ZNFX1: variants seen among roughly 807,000 people sequenced by gnomAD.
ZNFX1 encodes the protein NFX1-type zinc finger-containing protein 1.
A neutral mutation model predicts 179.8 loss-of-function variants in ZNFX1; 78 were observed. The ratio of observed to expected loss-of-function variants is 0.43; its 90% CI spans 0.36 to 0.52. The LOEUF is 0.52. ZNFX1 is among the 20% of genes least tolerant of loss of function. ZNFX1 has a pLI of 0.00. For synonymous variants in ZNFX1, 848 were observed against 868.5 expected (o/e 0.98, Z 0.42); for missense variants, 1,927 against 2,386.6 (o/e 0.81, Z 4.01).
At position 49,248,461 on chromosome 20, in the gene ZNFX1, G is replaced by A; in HGVS notation, c.4563C>T (p.Tyr1521=). ...GCTCAGAGCAGAGTTTGGTGCACTGGTAGTGCTGGCAGCGCCAGACACAGG... is the reference window on the plus strand; with the variant it reads ...GCTCAGAGCAGAGTTTGGTGCACTGATAGTGCTGGCAGCGCCAGACACAGG... ...VEPCVWRCQH[Y]QCTKLCSEPC... is the part of the protein sequence containing the mutation. Residue 1521 remains tyrosine, a synonymous_variant, in exon 14 of 14, where the codon TAC becomes TAT. Coordinates refer to ENST00000396105, the MANE Select transcript of ZNFX1 (RefSeq NM_021035.3). This position sits in a 1 kb window ranked among gnomAD's most constrained non-coding sequence, Gnocchi z 4.6. 1 of 1,611,192 alleles carries A rather than the reference G, an allele frequency of 6.2e-7. No individual in the cohort carries two copies. The highest frequency in any genetic ancestry group is 2.2e-5 in the East Asian group (1 of 44,808).
Position 49,248,308 on chromosome 20 carries a change from T to C in ZNFX1, c.4716A>G (p.Gln1572=). The part of the protein sequence containing the change: ...CRICHMDEVT[Q]IFFGFEDEPD... ...GCTCATCCTCAAAGCCAAAGAATATTTGGGTGACCTCATCCATGTGGCAGA... is the reference window on the plus strand; with the variant it reads ...GCTCATCCTCAAAGCCAAAGAATATCTGGGTGACCTCATCCATGTGGCAGA... Residue 1572 remains glutamine (Q), a synonymous_variant, in exon 14 of 14, where the codon CAA becomes CAG. Coordinates refer to ENST00000396105, the MANE Select transcript of ZNFX1 (RefSeq NM_021035.3). This position sits in a 1 kb window ranked among gnomAD's most constrained non-coding sequence, Gnocchi z 4.6. 2.5e-6 allele frequency: 4 copies of C among 1,614,050 alleles called. No individual in the cohort carries two copies. Among genetic ancestry groups the C allele is most frequent in the South Asian group, 2.2e-5 (2 of 91,070 alleles).
chr20:49,254,857 A>T (rs1354626444), intron 9 of ZNFX1, among the ~76,000 whole-genome samples: 2 of 152,180 alleles, frequency 1.3e-5, no homozygotes, highest in Non-Finnish European at 2.9e-5. Context: ...GGGGTGAGAT[A>T]AAGAACAAAG....
Position 49,264,794 on chromosome 20 carries a change from C to A in ZNFX1, c.2073G>T (p.Gln691His). 1 of 1,614,214 alleles carries A rather than the reference C, an allele frequency of 6.2e-7. No individual in the cohort carries two copies. Among genetic ancestry groups the A allele is most frequent in the Non-Finnish European group, 8.5e-7 (1 of 1,180,042 alleles). The stretch of plus-strand genomic sequence containing the variant: ...TGTTCCTCAGCTCCCTTAGGGTGAA[C>A]TGCTTCAGGATTTCACTGTTGCTCC... ...GGRSNSEILK[Q>H]FTLRELRNKR... The change falls in exon 5 of 14, where the codon CAG becomes CAT. Residue 691 changes from glutamine (Q) to histidine (H), a missense_variant. Coordinates refer to ENST00000396105, the MANE Select transcript of ZNFX1 (RefSeq NM_021035.3).
At chr20:49,276,074 T>C (rs1202299211) in intron 1 of ZNFX1, among the ~76,000 whole-genome samples, 187 bp from the exon 2 acceptor site, 1 of 152,252 alleles carries the variant, frequency 6.6e-6, no homozygotes, top group Non-Finnish European at 1.5e-5. Flanking sequence ...TATAAAATAT[T>C]AAATTCACAA....
intron 2 of ZNFX1, among the ~76,000 whole-genome samples, chr20:49,274,027 T>C (rs1981490836): frequency 6.6e-6 from 1 of 152,232 alleles, no homozygotes; most frequent in Admixed American, 6.5e-5. Context: ...ATTTCAAACT[T>C]ATGGAAAAGC....
At chr20:49,257,288 C>T in intron 8 of ZNFX1, 129 bp downstream of exon 8, 1 of 1,313,392 alleles carries the variant, frequency 7.6e-7, no homozygotes. Context: ...CATCTCATAC[C>T]AGGGGTAGGC....
chr20:49,271,650 A>G lies in ZNFX1; in HGVS notation c.162T>C (p.Pro54=). 1.9e-6 allele frequency: 3 copies of G among 1,613,748 alleles called. No individual in the cohort carries two copies. Among genetic ancestry groups the G allele is most frequent in the Non-Finnish European group, 2.5e-6 (3 of 1,179,940 alleles). The part of the protein sequence containing the change: ...RGGASHPGRH[P]RANNHPAAYW... ...AAGCAGCAGGATGGTTGTTGGCCCTAGGATGCCTTCCAGGGTGGCTGGCTC... is the reference window on the plus strand; with the variant it reads ...AAGCAGCAGGATGGTTGTTGGCCCTGGGATGCCTTCCAGGGTGGCTGGCTC... Residue 54 remains proline (P), a synonymous_variant, in exon 3 of 14, where the codon CCT becomes CCC. Transcript: ENST00000396105.
Position 49,259,341 on chromosome 20 carries a change from T to C in ZNFX1, c.2416+1122A>G, listed in dbSNP as rs540945222. On this transcript the variant is annotated intron_variant, in intron 7 of 13. Transcript: ENST00000396105. ...AGCCTTCCTAACCCGAATTTTATAT[T>C]ACTCATTTCCTTTTTAAAAGATAAT... Among the ~76,000 whole-genome samples, 7 of 152,298 alleles carry C rather than the reference T, an allele frequency of 4.6e-5. 1 individual carries two copies. In the South Asian group the frequency reaches 1.2e-3, roughly 27 times the overall value.
chr20:49,248,006 A>C lies in ZNFX1; in HGVS notation c.5018T>G (p.Leu1673Arg), dbSNP rs771431555. 3 of 1,613,902 alleles carry C rather than the reference A, an allele frequency of 1.9e-6. No individual in the cohort carries two copies. The highest frequency in any genetic ancestry group is 1.3e-5 in the African/African-American group (1 of 74,878). Residue 1673 changes from leucine (L) to arginine (R), a missense_variant, in exon 14 of 14, where the codon CTC (leucine) becomes CGC (arginine). Physicochemically the swap from Leu to Arg is moderately radical, Grantham distance 102. Coordinates refer to ENST00000396105, the MANE Select transcript of ZNFX1 (RefSeq NM_021035.3). The surrounding 1 kb of genome is among the most constrained non-coding windows in gnomAD (Gnocchi z 4.6). ...RLKALLERKS[L>R]LHQLLPEDFL... ...GTCTTCAGGAAGCAGCTGGTGGAGG[A>C]GGCTCTTCCTCTCCAGCAGGGCCTT...
At chr20:49,258,718 ATCAC>A (rs1394430835) in intron 7 of ZNFX1, among the ~76,000 whole-genome samples, 3 of 152,140 alleles carry the variant, frequency 2.0e-5, no homozygotes, top group Non-Finnish European at 4.4e-5. Context: ...AGGCAGGAGA[ATCAC>A]TTGAACCCAG....
In ZNFX1 at chr20:49,270,667, C is replaced by A. The variant is rs1981360133; in HGVS notation, c.1145G>T (p.Arg382Ile). Residue 382 changes from arginine to isoleucine, a missense_variant, in exon 3 of 14, where the codon AGA (arginine) becomes ATA (isoleucine). Transcript: ENST00000396105. The surrounding 1 kb of genome is among the most constrained non-coding windows in gnomAD (Gnocchi z 4.6). ...HFRLLREDFVRPLREGILELL... is the reference protein window; with the variant it reads ...HFRLLREDFVIPLREGILELL... ...TTCCAAAATACCTTCCCGTAAAGGTCTGACGAAATCTTCTCGCAGGAGCCG... is the reference window on the plus strand; with the variant it reads ...TTCCAAAATACCTTCCCGTAAAGGTATGACGAAATCTTCTCGCAGGAGCCG... 1 of 1,614,038 alleles carries A rather than the reference C, an allele frequency of 6.2e-7. No homozygotes were observed. The highest frequency in any genetic ancestry group is 1.3e-5 in the African/African-American group (1 of 74,896).
chr20:49,274,465 A>G (rs1039945387), intron 2 of ZNFX1, among the ~76,000 whole-genome samples: 3 of 152,242 alleles, frequency 2.0e-5, no homozygotes, highest in African/African-American at 7.2e-5. Context: ...AATTGAAAAA[A>G]TAAATTTCAA....
rs150957746 is a variant in ZNFX1, at chr20:49,247,754, C to T, written c.5270G>A (p.Arg1757Gln). ...GTATGTGAGCCTCTGGATTTCACTT[C>T]GGAGGTCACTTAGTTCCTGGCTAGT... Reference protein sequence around the residue: ...SFTSQELSDLRSEIQRLTYLV... With the variant: ...SFTSQELSDLQSEIQRLTYLV... The change falls in exon 14 of 14, where the codon CGA becomes CAA. Residue 1757 changes from arginine (R) to glutamine (Q), a missense_variant. Transcript: ENST00000396105. 26 of 1,614,178 alleles carry T rather than the reference C, an allele frequency of 1.6e-5. No homozygotes were observed. The highest frequency in any genetic ancestry group is 1.7e-4 in the Middle Eastern group (1 of 6,024).
intron 6 of ZNFX1, among the ~76,000 whole-genome samples, chr20:49,261,361 T>C (rs1323762603): frequency 1.3e-5 from 2 of 152,158 alleles, no homozygotes; most frequent in African/African-American, 4.8e-5. Context: ...ATATATACCA[T>C]GGAATACTAT....
chr20:49,263,251 G>A lies in ZNFX1; in HGVS notation c.2301+83C>T. On this transcript the variant is annotated intron_variant, in intron 6 of 13. Transcript: ENST00000396105. Reference sequence around the variant, plus strand: ...AGCATCAGATTATCAAACAGGTAAAGTTTTGGACTGATGCTTCTCCTGGAG... The same window carrying A: ...AGCATCAGATTATCAAACAGGTAAAATTTTGGACTGATGCTTCTCCTGGAG... 15 of 1,528,470 alleles carry A rather than the reference G, an allele frequency of 9.8e-6. No homozygotes were observed. The South Asian group carries it at 1.8e-4, about 19-fold the overall frequency. The allele number at this position is 1,528,470 out of a possible 1,614,324, so 94.7% of individuals were successfully genotyped here. A position where few individuals can be genotyped will look rare whatever the true frequency, so the allele number is the denominator to read the frequency against.
Position 49,263,483 on chromosome 20 carries a change from T to C in ZNFX1, c.2152A>G (p.Ile718Val). The change falls in exon 6 of 14, where the codon ATC (isoleucine) becomes GTC (valine). Residue 718 changes from isoleucine to valine, a missense_variant and splice_region_variant. Ile to Val is a conservative substitution (Grantham distance 29). Coordinates refer to ENST00000396105, the MANE Select transcript of ZNFX1 (RefSeq NM_021035.3). ...PMHLRRAYMS[I>V]MTQMKESEQE... ...TCTGACTCCTTCATCTGTGTCATGA[T>C]CTTCCAAGAACAGAGGGAAAGAAAT... 6.3e-7 allele frequency: 1 copy of C among 1,575,654 alleles called. No individual in the cohort carries two copies. Among genetic ancestry groups the C allele is most frequent in the Non-Finnish European group, 8.6e-7 (1 of 1,159,196 alleles).
intron 7 of ZNFX1, 28 bp from the exon 8 acceptor site, chr20:49,257,692 G>C: frequency 6.5e-7 from 1 of 1,549,760 alleles, no homozygotes; most frequent in Non-Finnish European, 8.6e-7. Flanking sequence ...GCAGGAGAGA[G>C]ATGAAAACTC....
intron 3 of ZNFX1, among the ~76,000 whole-genome samples, chr20:49,267,495 T>A (rs1452922085): frequency 6.6e-6 from 1 of 151,650 alleles, no homozygotes; most frequent in African/African-American, 2.4e-5. Context: ...TTTTTTTTTT[T>A]AAATCATGAG....
chr20:49,271,483 TG>T lies in ZNFX1; in HGVS notation c.328del (p.Gln110ArgfsTer40). 1 of 1,614,198 alleles carries T rather than the reference TG, an allele frequency of 6.2e-7. No individual in the cohort carries two copies. Among genetic ancestry groups the T allele is most frequent in the Non-Finnish European group, 8.5e-7 (1 of 1,180,034 alleles). ...TGGTGGTCTGCGGTTCCTACAGTCC[TG>T]GTTGCCATTTCTCCACCTGGTGTCA... Reference protein sequence around the residue: ...ENDTRWRNGNQDCRNRRPPWS... With the variant: ...ENDTRWRNGNXDCRNRRPPWS... On this transcript the variant is annotated frameshift_variant, in exon 3 of 14. Transcript: ENST00000396105. LOFTEE classifies it high-confidence loss of function.
Sources: gnomAD v4.1 joint callset for allele counts (sites outside exome capture counted in the v4.1 genomes callset) on GRCh38, gnomAD v4.1.1 for gene constraint, Gnocchi (gnomAD v3.1) non-coding constraint, MANE v1.5 for transcripts, NCBI Gene and HGNC (gene_info 2026-07-23, HGNC 2026-07-21) for gene names.